The following CD38 variants were observed in gnomAD, a reference collection of about 807,000 sequenced individuals.
The protein encoded by CD38 is CD38 molecule.
In CD38, 31 loss-of-function variants were observed where a neutral mutation model predicts 36.3. The ratio of observed to expected loss-of-function variants is 0.85; its 90% CI spans 0.64 to 1.15. CD38 has a LOEUF of 1.15. Among genes scored for constraint, CD38 ranks in the 50% most tolerant of loss-of-function variants. CD38 has a pLI of 0.00. For missense variants in CD38, 380 were observed against 371.9 expected (o/e 1.02, Z -0.18); for synonymous variants, 131 against 135.2 (o/e 0.97, Z 0.22).
intron 1 of CD38, among the ~76,000 whole-genome samples, chr4:15,793,689 CCTGGAAGCCAT>C (rs1463711883): frequency 1.3e-5 from 2 of 152,096 alleles, no homozygotes; most frequent in African/African-American, 4.8e-5. Context: ...AGGACATCAG[CCTGGAAGCCAT>C]CTGGAAGCTC....
chr4:15,808,158 A>G (rs1426505215), intron 1 of CD38, among the ~76,000 whole-genome samples: 2 of 152,162 alleles, frequency 1.3e-5, no homozygotes, highest in East Asian at 1.9e-4. Context: ...TAGGTATCCA[A>G]TTTTGCTTAA....
At chr4:15,820,613 G>A (rs567136159) in intron 2 of CD38, among the ~76,000 whole-genome samples, 1 of 152,172 alleles carries the variant, frequency 6.6e-6, no homozygotes, top group East Asian at 1.9e-4. Context: ...TAAGGATAAA[G>A]GGGTAAATTC....
rs774180934 is a variant in CD38, at chr4:15,778,568, G to T, written c.154G>T (p.Gly52Cys). The change falls in exon 1 of 8, where the codon GGT (glycine) becomes TGT (cysteine). Residue 52 changes from glycine to cysteine, a missense_variant. Gly to Cys is a radical substitution (Grantham distance 159). Transcript: ENST00000226279. The surrounding 1 kb of genome is among the most constrained non-coding windows in gnomAD (Gnocchi z 4.9). ...CCCGAGGTGGCGCCAGCAGTGGAGCGGTCCGGGCACCACCAAGCGCTTTCC... is the reference window on the plus strand; with the variant it reads ...CCCGAGGTGGCGCCAGCAGTGGAGCTGTCCGGGCACCACCAAGCGCTTTCC... ...VVPRWRQQWS[G>C]PGTTKRFPET... The T allele has an allele frequency of 6.2e-7, 1 of 1,613,546 alleles. No individual in the cohort carries two copies. Among genetic ancestry groups the T allele is most frequent in the South Asian group, 1.1e-5 (1 of 91,074 alleles).
chr4:15,795,218 C>T (rs58821053), intron 1 of CD38, among the ~76,000 whole-genome samples: 189 of 149,652 alleles, frequency 1.3e-3, no homozygotes, highest in African/African-American at 4.3e-3. Context: ...GAATTAGTTT[C>T]GTGTGTGTGT....
intron 1 of CD38, among the ~76,000 whole-genome samples, chr4:15,786,373 G>C (rs977616771): frequency 6.6e-6 from 1 of 152,216 alleles, no homozygotes; most frequent in Non-Finnish European, 1.5e-5. Context: ...CAAACCTTGA[G>C]CTAGACACAA....
intron 1 of CD38, among the ~76,000 whole-genome samples, chr4:15,786,876 C>T (rs1722846618): frequency 6.6e-6 from 1 of 152,224 alleles, no homozygotes; most frequent in African/African-American, 2.4e-5. Flanking sequence ...CCAAGCCCTG[C>T]CCCGCGGGGA....
rs1724360665 is a variant in CD38, at chr4:15,850,501, A to T, written c.*1899A>T. The T allele has an allele frequency of 6.6e-6, 1 of 152,194 alleles. No homozygotes were observed. Among genetic ancestry groups the T allele is most frequent in the South Asian group, 2.1e-4 (1 of 4,826 alleles). The allele number at this position is 152,194 out of a possible 1,614,324, so 9.4% of individuals were successfully genotyped here. A position where few individuals can be genotyped will look rare whatever the true frequency, so the allele number is the denominator to read the frequency against. On this transcript the variant is annotated 3_prime_UTR_variant, in exon 8 of 8. Transcript: ENST00000226279. Reference sequence around the variant, plus strand: ...CTTTCTGAACTTCAACTTCCTTGCCACTCAAATAAGGATTACAAAACTTAA... The same window carrying T: ...CTTTCTGAACTTCAACTTCCTTGCCTCTCAAATAAGGATTACAAAACTTAA...
At chr4:15,793,876 T>G (rs538856382) in intron 1 of CD38, among the ~76,000 whole-genome samples, 5 of 152,320 alleles carry the variant, frequency 3.3e-5, no homozygotes, top group African/African-American at 1.2e-4. Flanking sequence ...TCCAAGATTT[T>G]GGGGCAGAGG....
chr4:15,839,865 C>T (rs1318177731), intron 5 of CD38, among the ~76,000 whole-genome samples, 161 bp from the exon 6 acceptor site: 1 of 152,142 alleles, frequency 6.6e-6, no homozygotes, highest in Non-Finnish European at 1.5e-5. Context: ...AACCGAGGGT[C>T]ATGCTGAATA....
At chr4:15,821,737 C>T (rs999990119) in intron 2 of CD38, among the ~76,000 whole-genome samples, 2 of 140,462 alleles carry the variant, frequency 1.4e-5, no homozygotes, top group African/African-American at 5.2e-5. Flanking sequence ...AGATTTATAA[C>T]TGAATTTTAC....
chr4:15,785,909 C>T (rs1722809816), intron 1 of CD38, among the ~76,000 whole-genome samples: 1 of 152,112 alleles, frequency 6.6e-6, no homozygotes, highest in Non-Finnish European at 1.5e-5. Flanking sequence ...GAGTTTCTTC[C>T]TTCTGGTGGG....
chr4:15,832,595 T>C (rs1430061148), intron 3 of CD38, among the ~76,000 whole-genome samples: 1 of 152,162 alleles, frequency 6.6e-6, no homozygotes, highest in Non-Finnish European at 1.5e-5. Context: ...CCCTTTACTT[T>C]CTCCCAGAGT....
Position 15,852,976 on chromosome 4 carries a change from A to C in CD38, c.*4374A>C, listed in dbSNP as rs1724431357. The C allele has an allele frequency of 6.6e-6, 1 of 151,986 alleles. No homozygotes were observed. The highest frequency in any genetic ancestry group is 1.5e-5 in the Non-Finnish European group (1 of 68,054). 9.4% of individuals were successfully genotyped at this position (151,986 alleles called of 1,614,324 possible). On this transcript the variant is annotated 3_prime_UTR_variant, in exon 8 of 8. Coordinates refer to ENST00000226279, the MANE Select transcript of CD38 (RefSeq NM_001775.4). ...CAGGCGCCCGCCATCTCGCCCGGCT[A>C]ATTTTTTGTATTTTTAGTAGAGACG...
rs146080116 is a variant in CD38 at position 15,809,390 on chromosome 4, T to A, written c.234-7121T>A. On this transcript the variant is annotated intron_variant, in intron 1 of 7. Coordinates refer to ENST00000226279, the MANE Select transcript of CD38 (RefSeq NM_001775.4). The stretch of plus-strand genomic sequence containing the variant: ...CCTCGGGCTAGTCACATTTCCTTTA[T>A]AAACTTCCTTTTTCTCATTTGCGAA... Among the ~76,000 whole-genome samples, 835 of 152,334 alleles carry A rather than the reference T, an allele frequency of 5.5e-3. 7 individuals are homozygous for A. Among genetic ancestry groups the A allele is most frequent in the African/African-American group, 0.019 (780 of 41,574 alleles).
At chr4:15,848,491 G>A (rs999611953) in intron 7 of CD38, 48 bp from the exon 8 acceptor site, 14 of 1,439,350 alleles carry the variant, frequency 9.7e-6, no homozygotes, top group Non-Finnish European at 1.4e-5. Context: ...TTGGACGACA[G>A]ATGTATCCTA....
rs1722931092 is a variant in CD38 at position 15,790,146 on chromosome 4, CCTCT to C, written c.233+11501_233+11504del. Among the ~76,000 whole-genome samples, 5 of 42,236 alleles carry C rather than the reference CCTCT, an allele frequency of 1.2e-4. No individual in the cohort carries two copies. The African/African-American group carries it at 2.8e-3, about 23-fold the overall frequency. 27.7% of individuals were successfully genotyped at this position (42,236 alleles called of 152,430 possible). On this transcript the variant is annotated intron_variant, in intron 1 of 7. Transcript: ENST00000226279. ...CCCTCTCCCTCTCCCTCTCCCTCTC[CCTCT>C]CCCTCTCCCCCTCTCCCTCCCCCTC...
chr4:15,839,443 A>C (rs1444701738), intron 5 of CD38, among the ~76,000 whole-genome samples: 1 of 54,278 alleles, frequency 1.8e-5, no homozygotes, highest in Non-Finnish European at 3.2e-5. Context: ...TTTTTTTTTG[A>C]GATGGCGTCT....
At chr4:15,820,783 G>A (rs1161374308) in intron 2 of CD38, among the ~76,000 whole-genome samples, 2 of 152,036 alleles carry the variant, frequency 1.3e-5, no homozygotes, top group Non-Finnish European at 2.9e-5. Flanking sequence ...AGATCATCAA[G>A]ACAGAAAATT....
At chr4:15,790,346 T>A (rs1197158154) in intron 1 of CD38, among the ~76,000 whole-genome samples, 1 of 119,524 alleles carries the variant, frequency 8.4e-6, no homozygotes, top group Non-Finnish European at 1.7e-5. Flanking sequence ...CTGGTTTTCG[T>A]TTTTTTTTTT....
Sources: gnomAD v4.1 joint callset for allele counts (sites outside exome capture counted in the v4.1 genomes callset) on GRCh38, gnomAD v4.1.1 for gene constraint, Gnocchi (gnomAD v3.1) non-coding constraint, MANE v1.5 for transcripts, NCBI Gene and HGNC (gene_info 2026-07-23, HGNC 2026-07-21) for gene names.